Variants in NR6A1 observed in about 807,000 individuals in gnomAD.
NR6A1 encodes the protein nuclear receptor subfamily 6 group A member 1.
Under a neutral mutation model 59.1 loss-of-function variants are expected in NR6A1, and 7 were observed. The observed-to-expected ratio is 0.12, with a 90% confidence interval of 0.07 to 0.22. The LOEUF is 0.22. NR6A1 is among the 10% of genes least tolerant of loss of function. The pLI is 1.00. For missense variants in NR6A1, 468 were observed against 611.6 expected, an observed-to-expected ratio of 0.77 and a Z score of 2.48; for synonymous variants, 243 against 236.1, an observed-to-expected ratio of 1.03 and a Z score of -0.27.
At chr9:124,536,226 C>A in intron 6 of NR6A1, 94 bp from the exon 7 acceptor site, 1 of 1,398,896 alleles carries the variant, frequency 7.1e-7, no homozygotes, top group African/African-American at 1.4e-5. Flanking sequence ...ACAAAGGGAC[C>A]CTGGCAATGG....
chr9:124,649,483 G>T (rs1469523264), intron 2 of NR6A1, among the ~76,000 whole-genome samples: 1 of 151,680 alleles, frequency 6.6e-6, no homozygotes, highest in Admixed American at 6.6e-5. Context: ...TTATATGTAA[G>T]ACCTGAGACT....
At chr9:124,761,432 T>A (rs1383891432) in intron 1 of NR6A1, among the ~76,000 whole-genome samples, 1 of 152,212 alleles carries the variant, frequency 6.6e-6, no homozygotes, top group Non-Finnish European at 1.5e-5. Context: ...GCAAGCCCAC[T>A]ACAGGATGAG....
chr9:124,706,333 A>G (rs1366848451), intron 2 of NR6A1, among the ~76,000 whole-genome samples: 3 of 152,112 alleles, frequency 2.0e-5, no homozygotes, highest in African/African-American at 7.2e-5. Flanking sequence ...CATATTTACT[A>G]TTTCCACTGT....
intron 2 of NR6A1, among the ~76,000 whole-genome samples, chr9:124,717,347 A>G (rs1839436872): frequency 6.6e-6 from 1 of 152,228 alleles, no homozygotes; most frequent in African/African-American, 2.4e-5. Flanking sequence ...AGGTATCAAC[A>G]GGTAAATAAA....
intron 2 of NR6A1, among the ~76,000 whole-genome samples, chr9:124,710,744 T>C (rs763135309): frequency 1.3e-5 from 2 of 152,178 alleles, no homozygotes; most frequent in Non-Finnish European, 2.9e-5. Context: ...CTAAGCCTAG[T>C]TGCCAAAAAT....
chr9:124,718,747 C>T (rs1408443142), intron 2 of NR6A1, among the ~76,000 whole-genome samples: 1 of 150,598 alleles, frequency 6.6e-6, no homozygotes, highest in African/African-American at 2.4e-5. Context: ...CAGCATCCTA[C>T]TGCATGAATA....
At chr9:124,525,473 GCCT>G (rs1315069224) in intron 8 of NR6A1, among the ~76,000 whole-genome samples, 1 of 151,926 alleles carries the variant, frequency 6.6e-6, no homozygotes. Flanking sequence ...TCCCACCTCA[GCCT>G]CCTGAGAAGC....
chr9:124,669,681 A>G (rs1837729646), intron 2 of NR6A1, among the ~76,000 whole-genome samples: 2 of 152,246 alleles, frequency 1.3e-5, no homozygotes, highest in South Asian at 4.1e-4. Flanking sequence ...TTACCAGCAC[A>G]CAGGAATGTT....
At chr9:124,767,043 G>C (rs374543989) in intron 1 of NR6A1, among the ~76,000 whole-genome samples, 2 of 152,152 alleles carry the variant, frequency 1.3e-5, no homozygotes, top group African/African-American at 4.8e-5. Flanking sequence ...CAATGTTACA[G>C]CAACAGTTGG....
chr9:124,550,170 T>A (rs2131376166), intron 3 of NR6A1, among the ~76,000 whole-genome samples: 1 of 152,292 alleles, frequency 6.6e-6, no homozygotes. Flanking sequence ...TTGGTGTGTT[T>A]TATTGGTACT....
chr9:124,736,347 A>G (rs141797130), intron 1 of NR6A1, among the ~76,000 whole-genome samples: 14 of 152,316 alleles, frequency 9.2e-5, no homozygotes, highest in African/African-American at 3.4e-4. Flanking sequence ...GTGACTCAAA[A>G]ACAAAGAAAA....
chr9:124,542,661 A>G (rs1833484198), intron 4 of NR6A1, among the ~76,000 whole-genome samples: 1 of 152,192 alleles, frequency 6.6e-6, no homozygotes, highest in Non-Finnish European at 1.5e-5. Flanking sequence ...AATCTAAATA[A>G]AACCTTTTAG....
At chr9:124,650,992 TAGAA>T (rs973729744) in intron 2 of NR6A1, among the ~76,000 whole-genome samples, 3 of 152,072 alleles carry the variant, frequency 2.0e-5, no homozygotes, top group African/African-American at 7.2e-5. Flanking sequence ...AAATAGGTAA[TAGAA>T]AGAAAGGACT....
At chr9:124,640,003 C>T (rs1486886609) in intron 2 of NR6A1, among the ~76,000 whole-genome samples, 2 of 152,120 alleles carry the variant, frequency 1.3e-5, no homozygotes, top group Admixed American at 6.5e-5. Flanking sequence ...ATATGTAACA[C>T]CTCTGGGTGT....
intron 2 of NR6A1, among the ~76,000 whole-genome samples, chr9:124,570,649 G>C (rs1834411902): frequency 7.1e-6 from 1 of 139,960 alleles, no homozygotes; most frequent in South Asian, 2.2e-4. Context: ...CATTTTCATA[G>C]CAAACTTAGG....
intron 2 of NR6A1, among the ~76,000 whole-genome samples, chr9:124,634,260 G>A: frequency 6.6e-6 from 1 of 152,180 alleles, no homozygotes; most frequent in East Asian, 1.9e-4. Context: ...TTTGTTAAAT[G>A]TCAGGTACAT....
chr9:124,680,326 C>A (rs1838105584), intron 2 of NR6A1, among the ~76,000 whole-genome samples: 1 of 152,080 alleles, frequency 6.6e-6, no homozygotes, highest in Admixed American at 6.6e-5. Context: ...ACTTCTTATT[C>A]CCCCACAACC....
At chr9:124,669,511 T>C (rs1327981183) in intron 2 of NR6A1, among the ~76,000 whole-genome samples, 9 of 152,216 alleles carry the variant, frequency 5.9e-5, no homozygotes, top group Non-Finnish European at 1.3e-4. Flanking sequence ...CACAGAACAT[T>C]TGCCCTGCCT....
chr9:124,605,946 G>A (rs1564198784), intron 2 of NR6A1, among the ~76,000 whole-genome samples: 1 of 152,032 alleles, frequency 6.6e-6, no homozygotes, highest in Non-Finnish European at 1.5e-5. Context: ...TGTCTTGCTT[G>A]CTCCTTGCTT....
Sources: allele counts gnomAD v4.1 joint callset (sites outside exome capture counted in the v4.1 genomes callset), GRCh38; gene constraint gnomAD v4.1.1; transcripts MANE v1.5; gene names NCBI Gene and HGNC (gene_info 2026-07-23, HGNC 2026-07-21).